Variants in NFATC1 observed in about 807,000 individuals in gnomAD.
NFATC1 encodes the protein nuclear factor of activated T cells 1.
In NFATC1, 22 loss-of-function variants were observed where a neutral mutation model predicts 76.0. The observed-to-expected ratio is 0.29, with a 90% CI of 0.21 to 0.41. The LOEUF (loss-of-function observed/expected upper bound fraction) is 0.41, where lower values mean the gene tolerates loss of function less well. Ranked by LOEUF, NFATC1 falls within the 10% of genes least tolerant of loss-of-function variation. The pLI is 1.00. For missense variants in NFATC1, 1,357 were observed against 1,337.7 expected (o/e 1.01, Z -0.23); for synonymous variants, 704 against 613.1 (o/e 1.15, Z -2.19).
chr18:79,445,165 G>A (rs1008236113), intron 3 of NFATC1, among the ~76,000 whole-genome samples: 9 of 152,204 alleles, frequency 5.9e-5, no homozygotes, highest in African/African-American at 2.2e-4. Context: ...AGTCTCCCTG[G>A]AGCATCAAAT....
At chr18:79,482,227 G>C (rs562640295) in intron 8 of NFATC1, among the ~76,000 whole-genome samples, 80 of 143,990 alleles carry the variant, frequency 5.6e-4, no homozygotes, top group African/African-American at 2.1e-3. Context: ...AGCGTGACCT[G>C]CTCCTGAGGT....
intron 9 of NFATC1, among the ~76,000 whole-genome samples, chr18:79,494,854 C>G (rs1348324186): frequency 2.2e-5 from 3 of 135,252 alleles, no homozygotes; most frequent in African/African-American, 8.1e-5. Context: ...GAACCTGGTG[C>G]GGCCGGGGGA....
intron 8 of NFATC1, among the ~76,000 whole-genome samples, chr18:79,476,253 G>A (rs965758805): frequency 5.9e-5 from 9 of 152,242 alleles, no homozygotes; most frequent in Admixed American, 3.3e-4. Flanking sequence ...GCCTCCGGGC[G>A]GCGTCGGCCA....
At chr18:79,464,670 G>GTGTACGTATATATATACACACATGTA (rs1472542767) in intron 7 of NFATC1, among the ~76,000 whole-genome samples, 12 of 112,730 alleles carry the variant, frequency 1.1e-4, no homozygotes, top group Non-Finnish European at 2.0e-4. Flanking sequence ...GTGTGTGTGT[G>GTGTACGTATATATATACACACATGTA]TATATGTATG....
chr18:79,470,145 C>T, intron 8 of NFATC1: 4 of 317,362 alleles, frequency 1.3e-5, no homozygotes, highest in Non-Finnish European at 1.8e-5. Context: ...TCTTGGGGTC[C>T]AGCTCAGATG....
At chr18:79,444,789 G>C (rs891944192) in intron 3 of NFATC1, among the ~76,000 whole-genome samples, 1 of 147,984 alleles carries the variant, frequency 6.8e-6, no homozygotes, top group African/African-American at 2.7e-5. Context: ...AGGCACCCCC[G>C]TGGCCACACA....
intron 7 of NFATC1, among the ~76,000 whole-genome samples, chr18:79,467,024 C>T (rs1479265384): frequency 3.3e-5 from 5 of 152,246 alleles, no homozygotes; most frequent in South Asian, 2.1e-4. Flanking sequence ...CTCAGGCACC[C>T]GGTCCCAGTT....
intron 8 of NFATC1, among the ~76,000 whole-genome samples, chr18:79,478,760 C>A (rs907872140): frequency 6.6e-6 from 1 of 152,202 alleles, no homozygotes; most frequent in Non-Finnish European, 1.5e-5. Context: ...GGGGCGGAAG[C>A]CCCCCTCCAG....
chr18:79,453,770 T>C (rs1004597564), intron 6 of NFATC1, among the ~76,000 whole-genome samples: 26 of 152,372 alleles, frequency 1.7e-4, no homozygotes, highest in African/African-American at 5.3e-4. Flanking sequence ...CCAGACCACG[T>C]TGATAATTTT....
intron 1 of NFATC1, among the ~76,000 whole-genome samples, chr18:79,406,586 G>A (rs1243957787): frequency 6.6e-6 from 1 of 152,238 alleles, no homozygotes; most frequent in Non-Finnish European, 1.5e-5. Context: ...CAAATAAGCG[G>A]GCCCAGCAGT....
At chr18:79,520,820 T>G (rs1158160811) in intron 9 of NFATC1, among the ~76,000 whole-genome samples, 2 of 18,654 alleles carry the variant, frequency 1.1e-4, no homozygotes, top group African/African-American at 5.0e-4. Context: ...TGTCTGTGTG[T>G]GGGGGGGGGC....
chr18:79,440,813 C>T (rs990073857), intron 3 of NFATC1, among the ~76,000 whole-genome samples: 3 of 152,252 alleles, frequency 2.0e-5, no homozygotes, highest in African/African-American at 7.2e-5. Context: ...GTTTCAGAGA[C>T]ACTCCTCTTC....
chr18:79,486,456 G>A lies in NFATC1; in HGVS notation c.2301G>A (p.Lys767=), dbSNP rs897394904. 6.2e-6 allele frequency: 10 copies of A among 1,610,878 alleles called. No individual in the cohort carries two copies. The African/African-American group carries it at 9.3e-5, about 15-fold the overall frequency. ...CAGCGGCCCCTGGCGTGAGCCCCAA[G>A]CTCCACGACCTTTCTCCCGCTGCCT... is the stretch of plus-strand genomic sequence containing the variant. ...LMPAAPGVSP[K]LHDLSPAAYT... Residue 767 remains lysine (K), a synonymous_variant, in exon 9 of 10, where the codon AAG becomes AAA. Transcript: ENST00000427363.
Position 79,433,703 on chromosome 18 carries a change from G to A in NFATC1, c.1351G>A (p.Val451Met), listed in dbSNP as rs759537183. The change falls in exon 3 of 10, where the codon GTG becomes ATG. Residue 451 changes from valine to methionine, a missense_variant. By Grantham distance (21) the Val-to-Met change is conservative (BLOSUM62 1). This residue lies in a region of NFATC1 where 242 missense variants were observed against 329.2 expected (regional missense o/e 0.74). Transcript: ENST00000427363. ...HYETEGSRGA[V>M]KASAGGHPIV... The stretch of plus-strand genomic sequence containing the variant: ...CGAGACGGAGGGCAGCCGGGGGGCC[G>A]TGAAGGCGTCGGCCGGAGGACACCC... 20 of 1,612,982 alleles carry A rather than the reference G, an allele frequency of 1.2e-5. No individual in the cohort carries two copies. The highest frequency in any genetic ancestry group is 1.6e-5 in the Non-Finnish European group (19 of 1,179,918).
At chr18:79,399,004 T>C (rs564764299) in intron 1 of NFATC1, among the ~76,000 whole-genome samples, 4 of 152,084 alleles carry the variant, frequency 2.6e-5, no homozygotes, top group Non-Finnish European at 5.9e-5. Flanking sequence ...AAGGCGGAGG[T>C]TGCAGTGAGC....
rs2089929135 is a variant in NFATC1, at chr18:79,497,869, A to G, written c.2782+10932A>G. The G allele has an allele frequency of 2.0e-5, 3 of 152,246 alleles. No homozygotes were observed. In the Middle Eastern group the frequency reaches 0.01, roughly 518 times the overall value. The allele number at this position is 152,246 out of a possible 1,614,324, so 9.4% of individuals were successfully genotyped here. ...TAACAGCAGACCATTAAACTCTGCTAACCAGAGGGTGATCCCTAGGCAGCC... is the reference window on the plus strand; with the variant it reads ...TAACAGCAGACCATTAAACTCTGCTGACCAGAGGGTGATCCCTAGGCAGCC... On this transcript the variant is annotated intron_variant, in intron 9 of 9. Coordinates refer to ENST00000427363, the MANE Select transcript of NFATC1 (RefSeq NM_001278669.2).
At chr18:79,478,224 C>CT (rs1240753998) in intron 8 of NFATC1, among the ~76,000 whole-genome samples, 1 of 150,204 alleles carries the variant, frequency 6.7e-6, no homozygotes, top group Non-Finnish European at 1.5e-5. Context: ...GTGGGGCAGG[C>CT]TTGTGCCTGC....
rs958224268 is a variant in NFATC1, at chr18:79,396,114, G to C, written c.-111G>C. The C allele has an allele frequency of 1.3e-5, 16 of 1,192,288 alleles. No individual in the cohort carries two copies. In the South Asian group the frequency reaches 2.0e-4, roughly 15 times the overall value. The allele number at this position is 1,192,288 out of a possible 1,614,324, so 73.9% of individuals were successfully genotyped here. On this transcript the variant is annotated 5_prime_UTR_variant, in exon 1 of 10. Coordinates refer to ENST00000427363, the MANE Select transcript of NFATC1 (RefSeq NM_001278669.2). Reference sequence around the variant, plus strand: ...ATGACTTTCCTCCGGGGCGCGCGGCGCTGAGCCCGGGGCGAGGGCTGTCTT... The same window carrying C: ...ATGACTTTCCTCCGGGGCGCGCGGCCCTGAGCCCGGGGCGAGGGCTGTCTT...
At chr18:79,412,549 G>A (rs1239331300) in intron 2 of NFATC1, among the ~76,000 whole-genome samples, 5 of 152,244 alleles carry the variant, frequency 3.3e-5, no homozygotes, top group Non-Finnish European at 7.4e-5. Flanking sequence ...CCTGCAGGGT[G>A]AGGAAGGCAG....
Sources: gnomAD v4.1 joint callset for allele counts (sites outside exome capture counted in the v4.1 genomes callset) on GRCh38, gnomAD v4.1.1 for gene constraint, gnomAD v4.1.1 regional missense constraint, MANE v1.5 for transcripts, NCBI Gene and HGNC (gene_info 2026-07-23, HGNC 2026-07-21) for gene names.